AFF2: variants seen among roughly 807,000 people sequenced by gnomAD.
The protein encoded by AFF2 is AF4/FMR2 family member 2.
A neutral mutation model predicts 76.9 loss-of-function variants in AFF2; 14 were observed. The observed-to-expected ratio is 0.18, with a 90% confidence interval of 0.12 to 0.28. AFF2 has a LOEUF of 0.28. Ranked by LOEUF, AFF2 falls within the 10% of genes least tolerant of loss-of-function variation. AFF2 has a pLI of 1.00. For synonymous variants in AFF2, 398 were observed against 366.7 expected, an observed-to-expected ratio of 1.09 and a Z score of -0.98; for missense variants, 868 against 1,001.1, an observed-to-expected ratio of 0.87 and a Z score of 1.79.
intron 3 of AFF2, among the ~76,000 whole-genome samples, chrX:148,778,690 G>C (rs1237904050): frequency 9.0e-6 from 1 of 111,164 alleles, no homozygotes; most frequent in Non-Finnish European, 1.9e-5. Context: ...GGGATCAGTG[G>C]TGATCTCCCC....
intron 1 of AFF2, among the ~76,000 whole-genome samples, chrX:148,628,433 T>C (rs1464090793): frequency 3.6e-5 from 4 of 110,969 alleles, no homozygotes; most frequent in African/African-American, 9.8e-5. Context: ...GAACCAACCA[T>C]GATTAGAAAG....
intron 3 of AFF2, among the ~76,000 whole-genome samples, chrX:148,701,012 A>AGTGTGTG (rs782232655): frequency 4.1e-5 from 3 of 73,744 alleles, no homozygotes; most frequent in Admixed American, 1.6e-4. Context: ...GAGAGAGAGA[A>AGTGTGTG]TGTGTGTGTG....
chrX:148,852,605 A>T (rs2070744335), intron 7 of AFF2, among the ~76,000 whole-genome samples: 1 of 111,448 alleles, frequency 9.0e-6, no homozygotes, highest in African/African-American at 3.3e-5. Flanking sequence ...AAACGAAGAA[A>T]ACAATCTGGA....
At chrX:148,834,410 C>A (rs1557273583) in intron 4 of AFF2, among the ~76,000 whole-genome samples, 1 of 111,201 alleles carries the variant, frequency 9.0e-6, no homozygotes, top group African/African-American at 3.3e-5. Flanking sequence ...GAATATGAAT[C>A]CCTGCTTTCT....
At chrX:148,678,904 C>T (rs184116129) in intron 3 of AFF2, among the ~76,000 whole-genome samples, 3 of 111,242 alleles carry the variant, frequency 2.7e-5, no homozygotes, top group Non-Finnish European at 3.8e-5. Context: ...TAAGATTGAA[C>T]GATTGACTGC....
intron 1 of AFF2, among the ~76,000 whole-genome samples, chrX:148,614,814 C>T (rs1271567944): frequency 1.0e-5 from 1 of 97,217 alleles, no homozygotes; most frequent in Non-Finnish European, 2.0e-5. Flanking sequence ...CTCTCTCTCT[C>T]GCTCTCTTCC....
chrX:148,606,474 A>G (rs1287682996), intron 1 of AFF2, among the ~76,000 whole-genome samples: 1 of 93,745 alleles, frequency 1.1e-5, no homozygotes, highest in Admixed American at 1.3e-4. Context: ...CTCTGTATTA[A>G]AGTCTAAAAT....
chrX:148,802,250 G>A (rs1269155291), intron 3 of AFF2, among the ~76,000 whole-genome samples: 2 of 111,947 alleles, frequency 1.8e-5, no homozygotes, highest in African/African-American at 3.3e-5. Flanking sequence ...CGCATAACCC[G>A]GTGACCAGCC....
intron 3 of AFF2, among the ~76,000 whole-genome samples, chrX:148,777,176 G>A (rs1557268648): frequency 9.0e-6 from 1 of 111,433 alleles, no homozygotes; most frequent in African/African-American, 3.3e-5. Flanking sequence ...TAGATGTGTG[G>A]TGTTATTTCT....
At chrX:148,803,943 T>A (rs1557271125) in intron 3 of AFF2, among the ~76,000 whole-genome samples, 1 of 111,100 alleles carries the variant, frequency 9.0e-6, no homozygotes, top group Non-Finnish European at 1.9e-5. Flanking sequence ...AAAAGCAGCC[T>A]GAGACTCTTT....
rs1379689436 is a variant in AFF2 at position 148,613,769 on chromosome X, C to G, written c.48-38230C>G. 2.7e-5 allele frequency among the ~76,000 whole-genome samples: 3 copies of G among 111,859 alleles called. No homozygotes were observed. The Admixed American group carries it at 2.8e-4, about 11-fold the overall frequency. Reference sequence around the variant, plus strand: ...CCCTGCTTTATATACTCTAACTGATCTGTAAAGATGCACATCAGGTCCTCA... The same window carrying G: ...CCCTGCTTTATATACTCTAACTGATGTGTAAAGATGCACATCAGGTCCTCA... On this transcript the variant is annotated intron_variant, in intron 1 of 20. Coordinates refer to ENST00000370460, the MANE Select transcript of AFF2 (RefSeq NM_002025.4).
intron 1 of AFF2, among the ~76,000 whole-genome samples, chrX:148,539,377 C>G (rs782515693): frequency 1.8e-5 from 2 of 111,509 alleles, no homozygotes; most frequent in Admixed American, 9.5e-5. Context: ...TTAGATTTCT[C>G]AGCCATGCTA....
chrX:148,995,098 A>G lies in AFF2; in HGVS notation c.*3766A>G, dbSNP rs1404655217. On this transcript the variant is annotated 3_prime_UTR_variant, in exon 21 of 21. Transcript: ENST00000370460. ...GGGAAAAATTATTGAGCCAGTTGTCAGTGTTCTGTTACATGACTGGCAGAC... is the reference window on the plus strand; with the variant it reads ...GGGAAAAATTATTGAGCCAGTTGTCGGTGTTCTGTTACATGACTGGCAGAC... 1 of 112,064 alleles carries G rather than the reference A, an allele frequency of 8.9e-6. No individual in the cohort carries two copies. Among genetic ancestry groups the G allele is most frequent in the Non-Finnish European group, 1.9e-5 (1 of 53,147 alleles). The allele number at this position is 112,064 out of a possible 1,213,427, so 9.2% of individuals were successfully genotyped here.
chrX:148,636,833 A>G (rs1390506260), intron 1 of AFF2, among the ~76,000 whole-genome samples: 1 of 111,403 alleles, frequency 9.0e-6, no homozygotes, highest in Non-Finnish European at 1.9e-5. Flanking sequence ...GACATAAAAG[A>G]CTTCAAAACT....
At chrX:148,688,218 G>T (rs2054617633) in intron 3 of AFF2, among the ~76,000 whole-genome samples, 1 of 111,210 alleles carries the variant, frequency 9.0e-6, no homozygotes, top group Non-Finnish European at 1.9e-5. Flanking sequence ...CCTTTTCCAC[G>T]TTGCAGCCAG....
intron 9 of AFF2, among the ~76,000 whole-genome samples, chrX:148,933,348 A>G (rs2071735464): frequency 8.9e-6 from 1 of 111,950 alleles, no homozygotes; most frequent in South Asian, 3.7e-4. Context: ...CATTAAAAAG[A>G]CTTGGCCTAG....
At chrX:148,924,746 A>G (rs1432626050) in intron 9 of AFF2, among the ~76,000 whole-genome samples, 1 of 111,872 alleles carries the variant, frequency 8.9e-6, no homozygotes, top group Non-Finnish European at 1.9e-5. Flanking sequence ...AAAAACTCTT[A>G]CAATGTTAGA....
chrX:148,539,413 G>A (rs1557237080), intron 1 of AFF2, among the ~76,000 whole-genome samples: 4 of 110,911 alleles, frequency 3.6e-5, no homozygotes, highest in East Asian at 2.9e-4. Flanking sequence ...AGTGCCTCTC[G>A]GTTTCCTCAT....
chrX:148,981,584 T>C (rs143098790), intron 19 of AFF2, among the ~76,000 whole-genome samples: 1,391 of 111,556 alleles, frequency 0.012, 19 homozygotes, highest in Non-Finnish European at 0.021. Flanking sequence ...TGAAGTTAGC[T>C]AACTTGCCTG....
Sources: allele counts gnomAD v4.1 joint callset (sites outside exome capture counted in the v4.1 genomes callset), GRCh38; gene constraint gnomAD v4.1.1; transcripts MANE v1.5; gene names NCBI Gene and HGNC (gene_info 2026-07-23, HGNC 2026-07-21).